The following CCDC85A variants were observed in gnomAD, a reference collection of about 807,000 sequenced individuals.
The protein encoded by CCDC85A is coiled-coil domain containing 85A, also known as coiled-coil domain-containing protein 85A.
CCDC85A carries 38 observed loss-of-function variants against 50.2 expected under a neutral mutation model. The observed-to-expected ratio is 0.76, with a 90% CI of 0.58 to 0.99. The LOEUF (loss-of-function observed/expected upper bound fraction) is 0.99, where lower values mean the gene tolerates loss of function less well. CCDC85A is among the 50% of genes least tolerant of loss of function. The pLI is 0.00. For missense variants in CCDC85A, 820 were observed against 742.0 expected (o/e 1.11, Z -1.22); for synonymous variants, 366 against 301.4 (o/e 1.21, Z -2.22).
rs1061006 is a variant in CCDC85A at position 56,385,209 on chromosome 2, T to C, written c.*854T>C. ...AGTGTTTCGAGCTGTGAGATGTCAA[T>C]TTCTACAATTTAGTTTCTAGACATG... On this transcript the variant is annotated 3_prime_UTR_variant, in exon 6 of 6. Transcript: ENST00000407595. The C allele has an allele frequency of 1.3e-5, 2 of 152,312 alleles. No homozygotes were observed. Among genetic ancestry groups the C allele is most frequent in the East Asian group, 1.9e-4 (1 of 5,162 alleles). The allele number at this position is 152,312 out of a possible 1,614,324, so 9.4% of individuals were successfully genotyped here.
rs527443229 is a variant in CCDC85A, at chr2:56,220,980, G to A, written c.1240+27540G>A. On this transcript the variant is annotated intron_variant, in intron 2 of 5. Coordinates refer to ENST00000407595, the MANE Select transcript of CCDC85A (RefSeq NM_001080433.2). ...GAGCCTCCAGCCCTGCTCCCCGTCA[G>A]TACCACATTTGGCCCACTGGATTGG... Among the ~76,000 whole-genome samples, 6 of 152,084 alleles carry A rather than the reference G, an allele frequency of 3.9e-5. No individual in the cohort carries two copies. The East Asian group carries it at 1.2e-3, about 29-fold the overall frequency.
At chr2:56,265,465 C>G (rs1203127158) in intron 2 of CCDC85A, among the ~76,000 whole-genome samples, 1 of 105,736 alleles carries the variant, frequency 9.5e-6, no homozygotes, top group South Asian at 3.3e-4. Flanking sequence ...ACAAATAACC[C>G]TATTTTAAAA....
intron 2 of CCDC85A, among the ~76,000 whole-genome samples, chr2:56,252,392 T>C (rs1669801498): frequency 6.6e-6 from 1 of 152,112 alleles, no homozygotes; most frequent in Non-Finnish European, 1.5e-5. Flanking sequence ...TATTGTAGGG[T>C]CAATGACAGG....
rs773078371 is a variant in CCDC85A, at chr2:56,189,295, G to GTATTTTTTTTTT, written c.277-3181_277-3180insATTTTTTTTTTT. On this transcript the variant is annotated intron_variant, in intron 1 of 5. Coordinates refer to ENST00000407595, the MANE Select transcript of CCDC85A (RefSeq NM_001080433.2). ...GCAAAACATGCACGGGGTATTTTTG[G>GTATTTTTTTTTT]TGTTTTTTTTTTTTTTTGAGACAAG... is the stretch of plus-strand genomic sequence containing the variant. Among the ~76,000 whole-genome samples, 53 of 100,434 alleles carry GTATTTTTTTTTT rather than the reference G, an allele frequency of 5.3e-4. 1 individual carries two copies. Among genetic ancestry groups the GTATTTTTTTTTT allele is most frequent in the Non-Finnish European group, 6.0e-4 (30 of 50,402 alleles). 65.9% of individuals were successfully genotyped at this position (100,434 alleles called of 152,430 possible).
intron 2 of CCDC85A, among the ~76,000 whole-genome samples, chr2:56,337,686 C>G (rs1410727365): frequency 6.6e-6 from 1 of 152,120 alleles, no homozygotes; most frequent in Non-Finnish European, 1.5e-5. Context: ...CTTTGCTCCC[C>G]TTTCACAGGA....
chr2:56,383,532 T>G, intron 5 of CCDC85A: 1 of 959,066 alleles, frequency 1.0e-6, no homozygotes, highest in South Asian at 4.8e-5. Context: ...GTGGCCCAGC[T>G]TCTAACATAT....
intron 2 of CCDC85A, among the ~76,000 whole-genome samples, chr2:56,207,272 G>C (rs535388924): frequency 3.9e-5 from 6 of 152,264 alleles, no homozygotes; most frequent in African/African-American, 1.4e-4. Context: ...CCTCCCTGGG[G>C]CTGTTAGGAG....
At chr2:56,326,202 G>A (rs1035050469) in intron 2 of CCDC85A, among the ~76,000 whole-genome samples, 17 of 152,104 alleles carry the variant, frequency 1.1e-4, no homozygotes, top group African/African-American at 3.9e-4. Flanking sequence ...TGCAGCCTAC[G>A]TGACTTTGAG....
intron 2 of CCDC85A, among the ~76,000 whole-genome samples, chr2:56,214,563 C>T (rs942598819): frequency 1.3e-5 from 2 of 151,548 alleles, no homozygotes; most frequent in Admixed American, 6.6e-5. Flanking sequence ...TCAGTATCTA[C>T]AATAATTGTG....
At chr2:56,330,950 T>C (rs181149769) in intron 2 of CCDC85A, among the ~76,000 whole-genome samples, 36 of 152,100 alleles carry the variant, frequency 2.4e-4, no homozygotes, top group African/African-American at 7.7e-4. Flanking sequence ...CATTTCACAA[T>C]AGCATAGATA....
chr2:56,298,784 G>A (rs1484100436), intron 2 of CCDC85A, among the ~76,000 whole-genome samples: 1 of 152,144 alleles, frequency 6.6e-6, no homozygotes, highest in African/African-American at 2.4e-5. Flanking sequence ...TAAATAGAAT[G>A]TATTTAACCA....
intron 2 of CCDC85A, among the ~76,000 whole-genome samples, chr2:56,253,456 T>G (rs1006031691): frequency 6.6e-6 from 1 of 152,090 alleles, no homozygotes; most frequent in Non-Finnish European, 1.5e-5. Context: ...AGAGAAGGGC[T>G]CCTAGTACAG....
At chr2:56,347,144 GT>G (rs1674669292) in intron 3 of CCDC85A, among the ~76,000 whole-genome samples, 2 of 152,294 alleles carry the variant, frequency 1.3e-5, no homozygotes, top group South Asian at 4.1e-4. Context: ...ATAAATACAG[GT>G]TTTCTCTATA....
chr2:56,306,160 A>G (rs578177027), intron 2 of CCDC85A, among the ~76,000 whole-genome samples: 95 of 151,770 alleles, frequency 6.3e-4, no homozygotes, highest in Non-Finnish European at 1.1e-3. Context: ...ATGGAGTCTC[A>G]CTCTTGTCGC....
At chr2:56,255,759 T>A (rs1170099640) in intron 2 of CCDC85A, among the ~76,000 whole-genome samples, 2 of 152,066 alleles carry the variant, frequency 1.3e-5, no homozygotes, top group Non-Finnish European at 2.9e-5. Flanking sequence ...GTTTTTGTTG[T>A]TGTTGTTGTT....
At position 56,192,099 on chromosome 2, in the gene CCDC85A, G is replaced by A. The variant is rs1676319802; in HGVS notation, c.277-378G>A. 6.6e-6 allele frequency among the ~76,000 whole-genome samples: 1 copy of A among 152,100 alleles called. No homozygotes were observed. The highest frequency in any genetic ancestry group is 2.4e-5 in the African/African-American group (1 of 41,420). ...AGGTCCGATTTCCTCTTCTGTATAA[G>A]AGCCATAATAATTATTATCCCCTAA... On this transcript the variant is annotated intron_variant, in intron 1 of 5. Coordinates refer to ENST00000407595, the MANE Select transcript of CCDC85A (RefSeq NM_001080433.2). This position sits in a 1 kb window ranked among gnomAD's most constrained non-coding sequence, Gnocchi z 4.7.
At chr2:56,273,360 G>T (rs115093177) in intron 2 of CCDC85A, among the ~76,000 whole-genome samples, 2,361 of 151,782 alleles carry the variant, frequency 0.016, 69 homozygotes, top group African/African-American at 0.054. Flanking sequence ...GGAGGGGAAA[G>T]CCTAGCTCAA....
chr2:56,216,174 G>A (rs769602435), intron 2 of CCDC85A, among the ~76,000 whole-genome samples: 4 of 151,720 alleles, frequency 2.6e-5, no homozygotes, highest in Non-Finnish European at 4.4e-5. Context: ...TGGCAATTGC[G>A]AACAAAGCTA....
chr2:56,227,108 T>A (rs1668575457), intron 2 of CCDC85A, among the ~76,000 whole-genome samples: 1 of 152,224 alleles, frequency 6.6e-6, no homozygotes, highest in Non-Finnish European at 1.5e-5. Context: ...TCCTCTTTTA[T>A]TATTAGTCAG....
Sources: gnomAD v4.1 joint callset for allele counts (sites outside exome capture counted in the v4.1 genomes callset) on GRCh38, gnomAD v4.1.1 for gene constraint, Gnocchi (gnomAD v3.1) non-coding constraint, MANE v1.5 for transcripts, NCBI Gene and HGNC (gene_info 2026-07-23, HGNC 2026-07-21) for gene names.